The following ATP1A4 variants were observed in gnomAD, a reference collection of about 807,000 sequenced individuals.
The protein encoded by ATP1A4 is sodium/potassium-transporting ATPase subunit alpha-4.
Under a neutral mutation model 114.3 loss-of-function variants are expected in ATP1A4, and 90 were observed. The ratio of observed to expected loss-of-function variants is 0.79; its 90% CI spans 0.66 to 0.94. ATP1A4 has a LOEUF of 0.94. Ranked by LOEUF, ATP1A4 falls within the 40% of genes least tolerant of loss-of-function variation. ATP1A4 has a pLI of 0.00. For synonymous variants in ATP1A4, 511 were observed against 494.1 expected, an observed-to-expected ratio of 1.03 and a Z score of -0.45; for missense variants, 1,222 against 1,313.6, an observed-to-expected ratio of 0.93 and a Z score of 1.08.
intron 21 of ATP1A4, 65 bp from the exon 22 acceptor site, chr1:160,186,606 G>A: frequency 1.3e-6 from 2 of 1,565,034 alleles, no homozygotes; most frequent in South Asian, 2.3e-5. Flanking sequence ...TTTCCCTTCT[G>A]CCTGTCTCCC....
chr1:160,159,960 G>A (rs1183846675), intron 6 of ATP1A4, among the ~76,000 whole-genome samples: 1 of 152,136 alleles, frequency 6.6e-6, no homozygotes, highest in Non-Finnish European at 1.5e-5. Flanking sequence ...GAAGATATTG[G>A]CATTGGAAAC....
rs1653722597 is a variant in ATP1A4, at chr1:160,181,922, C to G, written c.2868-8C>G. 1 of 1,614,038 alleles carries G rather than the reference C, an allele frequency of 6.2e-7. No homozygotes were observed. The highest frequency in any genetic ancestry group is 8.5e-7 in the Non-Finnish European group (1 of 1,179,898). On this transcript the variant is annotated splice_region_variant and splice_polypyrimidine_tract_variant and intron_variant, in intron 19 of 21. Coordinates refer to ENST00000368081, the MANE Select transcript of ATP1A4 (RefSeq NM_144699.4). Reference sequence around the variant, plus strand: ...CTCCCCGCCACACCCATGAATGTTTCTTCCCAGAAACAAAGTCTTAATATT... The same window carrying G: ...CTCCCCGCCACACCCATGAATGTTTGTTCCCAGAAACAAAGTCTTAATATT...
rs1446256557 is a variant in ATP1A4 at position 160,173,640 on chromosome 1, C to T, written c.1914C>T (p.Gly638=). 1.2e-6 allele frequency: 2 copies of T among 1,614,178 alleles called. No individual in the cohort carries two copies. Among genetic ancestry groups the T allele is most frequent in the Non-Finnish European group, 1.7e-6 (2 of 1,180,042 alleles). ...CTAAGGCCATTGCCAAGGGTGTGGG[C>T]ATCATCTCAGAAGGCACTGAGACGG... is the stretch of plus-strand genomic sequence containing the variant. ...ITAKAIAKGV[G]IISEGTETAE... is the part of the protein sequence containing the mutation. The change falls in exon 13 of 22, where the codon GGC becomes GGT. Residue 638 remains glycine (G), a synonymous_variant. Transcript: ENST00000368081.
At chr1:160,154,964 C>A in intron 2 of ATP1A4, 81 bp from the exon 3 acceptor site, 4 of 1,341,258 alleles carry the variant, frequency 3.0e-6, no homozygotes, top group Non-Finnish European at 4.2e-6. Flanking sequence ...CATTCTGGGG[C>A]TCCAAATGTC....
rs1652647093 is a variant in ATP1A4 at position 160,156,153 on chromosome 1, C to T, written c.520C>T (p.Pro174Ser). ...KIMESFKNMV[P>S]QQALVIRGGE... Reference sequence around the variant, plus strand: ...CATGGAGTCTTTTAAGAACATGGTGCCTCAGGTAGGATTGGAGTGGGAGGA... The same window carrying T: ...CATGGAGTCTTTTAAGAACATGGTGTCTCAGGTAGGATTGGAGTGGGAGGA... The change falls in exon 4 of 22, where the codon CCT becomes TCT. Residue 174 changes from proline to serine, a missense_variant. Transcript: ENST00000368081. 1 of 1,605,176 alleles carries T rather than the reference C, an allele frequency of 6.2e-7. No individual in the cohort carries two copies. The highest frequency in any genetic ancestry group is 8.5e-7 in the Non-Finnish European group (1 of 1,171,948).
Position 160,186,093 on chromosome 1 carries a change from A to AAAAAAAAAAAAAAAAAAAC in ATP1A4, c.2970-168_2970-167insAAACAAAAAAAAAAAAAAA, listed in dbSNP as rs1557810760. Among the ~76,000 whole-genome samples the AAAAAAAAAAAAAAAAAAAC allele has an allele frequency of 1.4e-5, 2 of 146,834 alleles. 1 individual carries two copies. Among genetic ancestry groups the AAAAAAAAAAAAAAAAAAAC allele is most frequent in the African/African-American group, 5.0e-5 (2 of 39,668 alleles). ...CAGAACAAGACTCTGTCGCAAAAAA[A>AAAAAAAAAAAAAAAAAAAC]AAAAAAAAAAAAAAAGGGATCAACC... is the stretch of plus-strand genomic sequence containing the variant. On this transcript the variant is annotated intron_variant, in intron 20 of 21. Transcript: ENST00000368081.
intron 20 of ATP1A4, among the ~76,000 whole-genome samples, chr1:160,185,000 CAG>C (rs1035010768): frequency 4.6e-5 from 7 of 152,194 alleles, no homozygotes; most frequent in Non-Finnish European, 7.3e-5. Flanking sequence ...CTAGAGTATG[CAG>C]AGAGCACAGG....
intron 1 of ATP1A4, 121 bp downstream of exon 1, chr1:160,152,308 C>A: frequency 8.9e-7 from 1 of 1,120,984 alleles, no homozygotes. Flanking sequence ...CTCTGTTAGG[C>A]TTTGGAGGGA....
chr1:160,160,109 C>T (rs371079020), intron 6 of ATP1A4, among the ~76,000 whole-genome samples: 3 of 152,328 alleles, frequency 2.0e-5, no homozygotes, highest in Non-Finnish European at 4.4e-5. Context: ...GTCAATCTCT[C>T]CTTTGCCCTT....
chr1:160,173,970 T>TTGGGGACAATATAGGGC, intron 13 of ATP1A4, 141 bp from the exon 14 acceptor site: 1 of 1,128,308 alleles, frequency 8.9e-7, no homozygotes, highest in Non-Finnish European at 1.2e-6. Context: ...ATGTGTCAAT[T>TTGGGGACAATATAGGGC]TGGGGACAAT....
At chr1:160,155,939 G>C in intron 3 of ATP1A4, 106 bp from the exon 4 acceptor site, 1 of 704,216 alleles carries the variant, frequency 1.4e-6, no homozygotes, top group South Asian at 1.6e-5. Context: ...CAGTCTTACG[G>C]TCTCTTACAC....
intron 17 of ATP1A4, among the ~76,000 whole-genome samples, chr1:160,176,907 AGG>A (rs1571031755): frequency 9.2e-5 from 14 of 152,342 alleles, no homozygotes; most frequent in Middle Eastern, 3.4e-3. Context: ...GGCCTTATGC[AGG>A]AAATAGGACT....
chr1:160,153,197 C>A lies in ATP1A4; in HGVS notation c.180C>A (p.Ser60Arg). The change falls in exon 2 of 22, where the codon AGC becomes AGA. Residue 60 changes from serine to arginine, a missense_variant. Transcript: ENST00000368081. ...DDHKLTLEEL[S>R]TKYSVDLTKG... is the part of the protein sequence containing the mutation. ...ACAAATTAACCTTGGAAGAGCTGAG[C>A]ACCAAGTACTCCGTGGACCTGACAA... The A allele has an allele frequency of 6.2e-7, 1 of 1,613,954 alleles. No individual in the cohort carries two copies. The highest frequency in any genetic ancestry group is 8.5e-7 in the Non-Finnish European group (1 of 1,179,918).
At chr1:160,174,456 G>A in intron 14 of ATP1A4, 123 bp from the exon 15 acceptor site, 1 of 1,466,012 alleles carries the variant, frequency 6.8e-7, no homozygotes. Context: ...GAGAAGGACG[G>A]GAGCCCTAAA....
intron 12 of ATP1A4, 121 bp from the exon 13 acceptor site, chr1:160,173,460 G>C (rs1557804568): frequency 7.2e-6 from 10 of 1,392,906 alleles, no homozygotes. Context: ...AAGTTCTTGG[G>C]AATGAGCGAC....
intron 4 of ATP1A4, among the ~76,000 whole-genome samples, chr1:160,157,569 G>A (rs1652713689): frequency 6.6e-6 from 1 of 152,250 alleles, no homozygotes; most frequent in South Asian, 2.1e-4. Flanking sequence ...GTAGATTAAA[G>A]TATCAATGTG....
chr1:160,159,893 C>A (rs1311147700), intron 6 of ATP1A4, among the ~76,000 whole-genome samples: 3 of 152,200 alleles, frequency 2.0e-5, no homozygotes, highest in Non-Finnish European at 4.4e-5. Context: ...TTCAGCCCTG[C>A]TAAGTCATTC....
In ATP1A4 at chr1:160,171,257, A is replaced by G; in HGVS notation, c.1498A>G (p.Ile500Val). Residue 500 changes from isoleucine (I) to valine (V), a missense_variant, in exon 11 of 22, where the codon ATC becomes GTC. Coordinates refer to ENST00000368081, the MANE Select transcript of ATP1A4 (RefSeq NM_144699.4). ...CTCCCTTTGCTCTCCCTAGATGTCC[A>G]TCCACCTTCGGGAGGACAGCTCCCA... ...FNSTNKYQMS[I>V]HLREDSSQTH... 1 of 1,613,282 alleles carries G rather than the reference A, an allele frequency of 6.2e-7. No homozygotes were observed. Among genetic ancestry groups the G allele is most frequent in the Non-Finnish European group, 8.5e-7 (1 of 1,179,420 alleles).
intron 4 of ATP1A4, among the ~76,000 whole-genome samples, 191 bp downstream of exon 4, chr1:160,156,349 G>A (rs1558016843): frequency 7.0e-6 from 1 of 142,330 alleles, no homozygotes; most frequent in Non-Finnish European, 1.6e-5. Flanking sequence ...AAGACATAAC[G>A]TCACCTATGA....
Sources: allele counts gnomAD v4.1 joint callset (sites outside exome capture counted in the v4.1 genomes callset), GRCh38; gene constraint gnomAD v4.1.1; transcripts MANE v1.5; gene names NCBI Gene and HGNC (gene_info 2026-07-23, HGNC 2026-07-21).